URB1: variants seen among roughly 807,000 people sequenced by gnomAD.
The protein encoded by URB1 is URB1 ribosome biogenesis factor, also known as nucleolar pre-ribosomal-associated protein 1.
A neutral mutation model predicts 242.3 loss-of-function variants in URB1; 197 were observed. That is an observed-to-expected ratio of 0.81 (90% CI 0.72 to 0.91). The LOEUF is 0.91. Among genes scored for constraint, URB1 ranks in the 40% least tolerant of loss-of-function variants. The pLI is 0.00. For synonymous variants in URB1, 1,153 were observed against 1,201.8 expected (o/e 0.96, Z 0.84); for missense variants, 2,721 against 2,860.5 (o/e 0.95, Z 1.11).
In URB1 at chr21:32,385,660, G is replaced by C; in HGVS notation, c.167C>G (p.Ala56Gly). 1 of 1,551,330 alleles carries C rather than the reference G, an allele frequency of 6.4e-7. No individual in the cohort carries two copies. The change falls in exon 2 of 39, where the codon GCC becomes GGC. Residue 56 changes from alanine (A) to glycine (G), a missense_variant. Coordinates refer to ENST00000382751, the MANE Select transcript of URB1 (RefSeq NM_014825.3). ...GPGLEAFVSA[A>G]KKLPREDVYD... The stretch of plus-strand genomic sequence containing the variant: ...CACATCTTCTCGTGGTAGCTTCTTG[G>C]CAGCAGACACAAACGCTTCCAAGCC...
At chr21:32,332,049 C>T (rs1391291463) in intron 30 of URB1, among the ~76,000 whole-genome samples, 2 of 152,210 alleles carry the variant, frequency 1.3e-5, no homozygotes, top group Non-Finnish European at 2.9e-5. Context: ...CCCATCTCAA[C>T]CAACAGTCAC....
At position 32,355,448 on chromosome 21, in the gene URB1, C is replaced by T. The variant is rs956463531; in HGVS notation, c.2106+1G>A. On this transcript the variant is annotated splice_donor_variant, in intron 16 of 38. Coordinates refer to ENST00000382751, the MANE Select transcript of URB1 (RefSeq NM_014825.3). LOFTEE classifies it high-confidence loss of function. ...CCTTTATGTGGGAAATATGTGCTTA[C>T]GCGTTCCAGAAACTGAATCACAGTC... is the stretch of plus-strand genomic sequence containing the variant. 6.4e-6 allele frequency: 10 copies of T among 1,550,740 alleles called. No homozygotes were observed. The highest frequency in any genetic ancestry group is 1.7e-4 in the Middle Eastern group (1 of 5,992).
intron 26 of URB1, among the ~76,000 whole-genome samples, chr21:32,337,986 C>T (rs1329872517): frequency 6.6e-6 from 1 of 152,182 alleles, no homozygotes; most frequent in Non-Finnish European, 1.5e-5. Context: ...AAAGCCTCTA[C>T]TCTGTCTACT....
intron 22 of URB1, among the ~76,000 whole-genome samples, chr21:32,346,198 C>T (rs116731976): frequency 0.017 from 2,602 of 152,268 alleles, 77 homozygotes; most frequent in African/African-American, 0.059. Flanking sequence ...CTTTTTCTTC[C>T]ACCATGAGTG....
chr21:32,330,197 G>GTTT (rs34078592), intron 30 of URB1, among the ~76,000 whole-genome samples: 15 of 84,672 alleles, frequency 1.8e-4, no homozygotes, highest in South Asian at 9.8e-4. Context: ...TTTGGGGAGT[G>GTTT]TTTTTTTTTT....
At chr21:32,365,237 G>T (rs1051224075) in intron 10 of URB1, among the ~76,000 whole-genome samples, 1 of 152,140 alleles carries the variant, frequency 6.6e-6, no homozygotes, top group East Asian at 1.9e-4. Flanking sequence ...ATGAGGCCAG[G>T]AGTTTGAAAC....
chr21:32,334,377 C>G (rs1291528543), intron 28 of URB1, 43 bp from the exon 29 acceptor site: 12 of 1,509,738 alleles, frequency 7.9e-6, no homozygotes, highest in Non-Finnish European at 1.1e-5. Context: ...CAGAGCCCCC[C>G]GGGAACAGAA....
intron 6 of URB1, among the ~76,000 whole-genome samples, chr21:32,374,692 G>A (rs1217806363): frequency 3.9e-5 from 6 of 152,122 alleles, no homozygotes; most frequent in East Asian, 1.9e-4. Context: ...TTGTTATGGG[G>A]GCCATCCTGG....
At chr21:32,390,472 T>G (rs1194685200) in intron 1 of URB1, among the ~76,000 whole-genome samples, 2 of 151,440 alleles carry the variant, frequency 1.3e-5, no homozygotes, top group African/African-American at 4.9e-5. Flanking sequence ...TGATGGGGTT[T>G]TTTTTTTTCT....
chr21:32,349,865 C>T (rs545142118), intron 20 of URB1, among the ~76,000 whole-genome samples: 67 of 151,722 alleles, frequency 4.4e-4, no homozygotes, highest in African/African-American at 1.5e-3. Context: ...GAGGCTGTGG[C>T]GGGTATATCA....
chr21:32,366,787 G>C, intron 9 of URB1, 32 bp from the exon 10 acceptor site: 1 of 1,547,374 alleles, frequency 6.5e-7, no homozygotes, highest in Non-Finnish European at 8.7e-7. Flanking sequence ...TTTAGGTGGT[G>C]CTAGAAGTAA....
intron 14 of URB1, 140 bp downstream of exon 14, chr21:32,359,656 G>A: frequency 1.4e-6 from 1 of 691,940 alleles, no homozygotes. Flanking sequence ...CTCTGCTGTG[G>A]GTCTCTCTAA....
chr21:32,355,378 C>G, intron 16 of URB1, 71 bp downstream of exon 16: 1 of 1,408,844 alleles, frequency 7.1e-7, no homozygotes, highest in Non-Finnish European at 9.8e-7. Context: ...ATCAAAAATG[C>G]CTCGATGACG....
At chr21:32,326,862 T>A (rs1302763618) in intron 30 of URB1, among the ~76,000 whole-genome samples, 1 of 152,176 alleles carries the variant, frequency 6.6e-6, no homozygotes, top group Non-Finnish European at 1.5e-5. Context: ...AGTGCAAGAA[T>A]GGACCAATAG....
At chr21:32,318,989 G>T (rs994526964) in intron 36 of URB1, among the ~76,000 whole-genome samples, 1 of 151,900 alleles carries the variant, frequency 6.6e-6, no homozygotes, top group African/African-American at 2.4e-5. Context: ...AAGTTCTCGG[G>T]GTCTTGACAA....
rs2032610660 is a variant in URB1 at position 32,312,726 on chromosome 21, C to G, written c.*2192G>C. 6.5e-6 allele frequency: 1 copy of G among 153,734 alleles called. No individual in the cohort carries two copies. The highest frequency in any genetic ancestry group is 1.4e-5 in the Non-Finnish European group (1 of 69,088). The allele number at this position is 153,734 out of a possible 1,614,324, so 9.5% of individuals were successfully genotyped here. A position where few individuals can be genotyped will look rare whatever the true frequency, so the allele number is the denominator to read the frequency against. On this transcript the variant is annotated 3_prime_UTR_variant, in exon 39 of 39. Coordinates refer to ENST00000382751, the MANE Select transcript of URB1 (RefSeq NM_014825.3). ...AAAGATCTAGTCCTCTAGTGCCCAGCAGCCTTGTCCCTGGAGAGGAGACAG... is the reference window on the plus strand; with the variant it reads ...AAAGATCTAGTCCTCTAGTGCCCAGGAGCCTTGTCCCTGGAGAGGAGACAG...
chr21:32,311,530 G>A lies in URB1; in HGVS notation c.*3388C>T. 2 of 1,088,882 alleles carry A rather than the reference G, an allele frequency of 1.8e-6. No individual in the cohort carries two copies. Among genetic ancestry groups the A allele is most frequent in the East Asian group, 5.0e-5 (2 of 39,754 alleles). The allele number at this position is 1,088,882 out of a possible 1,614,324, so 67.5% of individuals were successfully genotyped here. ...AGATTTCTCTAGAATGGCCACCTTT[G>A]TGAGCTGGCTGACCCTTCTCAGGAA... On this transcript the variant is annotated 3_prime_UTR_variant, in exon 39 of 39. Coordinates refer to ENST00000382751, the MANE Select transcript of URB1 (RefSeq NM_014825.3).
At chr21:32,392,713 G>T in intron 1 of URB1, 56 bp downstream of exon 1, 1 of 1,364,810 alleles carries the variant, frequency 7.3e-7, no homozygotes. Context: ...CCCGGCACAC[G>T]GAGGCCGCCT....
chr21:32,351,038 G>T, intron 19 of URB1, 116 bp from the exon 20 acceptor site: 7 of 1,097,348 alleles, frequency 6.4e-6, no homozygotes, highest in Non-Finnish European at 9.1e-6. Flanking sequence ...CACATGCTGA[G>T]ATAAGACTAA....
Sources: allele counts gnomAD v4.1 joint callset (sites outside exome capture counted in the v4.1 genomes callset), GRCh38; gene constraint gnomAD v4.1.1; transcripts MANE v1.5; gene names NCBI Gene and HGNC (gene_info 2026-07-23, HGNC 2026-07-21).